CDH12: variants seen among roughly 807,000 people sequenced by gnomAD.
CDH12 encodes cadherin 12, also known as cadherin-12.
In CDH12, 41 loss-of-function variants were observed where a neutral mutation model predicts 74.1. The observed-to-expected ratio is 0.55, with a 90% CI of 0.43 to 0.72. The LOEUF is 0.72. Ranked by LOEUF, CDH12 falls within the 30% of genes least tolerant of loss-of-function variation. The pLI is 0.00. For synonymous variants in CDH12, 399 were observed against 355.0 expected (o/e 1.12, Z -1.39); for missense variants, 945 against 977.2 (o/e 0.97, Z 0.44).
chr5:22,280,579 G>C (rs985829351), intron 3 of CDH12, among the ~76,000 whole-genome samples: 1 of 151,990 alleles, frequency 6.6e-6, no homozygotes, highest in Non-Finnish European at 1.5e-5. Context: ...CTACCATCAG[G>C]GAATACTATA....
intron 1 of CDH12, among the ~76,000 whole-genome samples, chr5:22,749,337 T>C (rs987114863): frequency 2.0e-5 from 3 of 152,238 alleles, no homozygotes; most frequent in Non-Finnish European, 4.4e-5. Context: ...TGTCTTGAAC[T>C]ACTTTGATTC....
chr5:22,592,685 C>G (rs948451249), intron 1 of CDH12, among the ~76,000 whole-genome samples: 1 of 149,530 alleles, frequency 6.7e-6, no homozygotes. Context: ...CTCCACCCCC[C>G]ACCACCTCCA....
At chr5:21,804,640 T>TAAAA (rs367797978) in intron 9 of CDH12, among the ~76,000 whole-genome samples, 23,659 of 88,860 alleles carry the variant, frequency 0.27, 3,056 homozygotes, top group Middle Eastern at 0.35. Context: ...TATAGTGAAT[T>TAAAA]AAAACACACA....
chr5:21,919,960 T>C lies in CDH12; in HGVS notation c.526+55131A>G, dbSNP rs55752709. ...TCCAGTGATAATATTAAGAAAAATA[T>C]CTTCATGCCTATTTTGTAAGAAATA... On this transcript the variant is annotated intron_variant, in intron 6 of 14. Transcript: ENST00000382254. 8.8e-3 allele frequency among the ~76,000 whole-genome samples: 1,336 copies of C among 152,228 alleles called. 15 individuals are homozygous for C. The highest frequency in any genetic ancestry group is 0.031 in the African/African-American group (1,282 of 41,554).
chr5:22,786,951 C>T (rs1448280368), intron 1 of CDH12, among the ~76,000 whole-genome samples: 1 of 152,036 alleles, frequency 6.6e-6, no homozygotes, highest in African/African-American at 2.4e-5. Flanking sequence ...AACTCCTGAC[C>T]TCAGATGATC....
intron 8 of CDH12, among the ~76,000 whole-genome samples, chr5:21,836,543 T>G (rs1749550537): frequency 1.3e-5 from 2 of 151,604 alleles, no homozygotes; most frequent in Admixed American, 1.3e-4. Context: ...TCATCAAATA[T>G]TGTATACAGA....
At chr5:22,185,793 T>C (rs1749907628) in intron 4 of CDH12, among the ~76,000 whole-genome samples, 2 of 152,330 alleles carry the variant, frequency 1.3e-5, no homozygotes, top group East Asian at 1.9e-4. Context: ...GGAAATCAGT[T>C]CCATTTACAT....
At chr5:22,268,048 C>T (rs1274857211) in intron 3 of CDH12, among the ~76,000 whole-genome samples, 3 of 152,096 alleles carry the variant, frequency 2.0e-5, no homozygotes, top group Non-Finnish European at 4.4e-5. Flanking sequence ...AATCTTCAAT[C>T]ACTCCTTTGG....
At chr5:22,345,612 G>A (rs1740076155) in intron 3 of CDH12, among the ~76,000 whole-genome samples, 1 of 152,148 alleles carries the variant, frequency 6.6e-6, no homozygotes, top group South Asian at 2.1e-4. Context: ...ACTGATGGCT[G>A]TCATTTCAAT....
At chr5:22,529,810 G>T (rs1403038908) in intron 1 of CDH12, among the ~76,000 whole-genome samples, 3 of 152,138 alleles carry the variant, frequency 2.0e-5, no homozygotes, top group African/African-American at 4.8e-5. Context: ...GAAAATAATT[G>T]TTTATCCTTT....
chr5:22,162,156 T>C (rs1748389735), intron 4 of CDH12, among the ~76,000 whole-genome samples: 1 of 151,832 alleles, frequency 6.6e-6, no homozygotes, highest in African/African-American at 2.4e-5. Context: ...TAGAGGCATG[T>C]CTTCTGCCTA....
At chr5:22,180,491 T>A in intron 4 of CDH12, among the ~76,000 whole-genome samples, 2 of 70,868 alleles carry the variant, frequency 2.8e-5, no homozygotes, top group South Asian at 1.1e-3. Flanking sequence ...GTTTTTGATT[T>A]TTTTTTGTTT....
chr5:22,456,129 AT>A (rs1486209990), intron 2 of CDH12, among the ~76,000 whole-genome samples: 14 of 125,454 alleles, frequency 1.1e-4, no homozygotes, highest in South Asian at 1.0e-3. Context: ...ATATATATAT[AT>A]ATATAAAACG....
chr5:22,305,498 T>C (rs532849582), intron 3 of CDH12, among the ~76,000 whole-genome samples: 2 of 152,248 alleles, frequency 1.3e-5, no homozygotes, highest in African/African-American at 4.8e-5. Flanking sequence ...GCTGGCTCCA[T>C]GAAGCCACAG....
chr5:21,811,988 C>A (rs1468724075), intron 9 of CDH12, among the ~76,000 whole-genome samples: 2 of 151,904 alleles, frequency 1.3e-5, no homozygotes, highest in African/African-American at 4.8e-5. Flanking sequence ...TTAATCTAAA[C>A]CTGACCATCA....
intron 6 of CDH12, among the ~76,000 whole-genome samples, chr5:21,887,745 T>C (rs766990206): frequency 4.6e-5 from 7 of 152,166 alleles, no homozygotes; most frequent in Non-Finnish European, 8.8e-5. Flanking sequence ...AAATGAATTA[T>C]TGAGTTTCAG....
chr5:22,698,723 ATATATATATATAGTGTGT>A (rs57353648), intron 1 of CDH12, among the ~76,000 whole-genome samples: 1,835 of 16,472 alleles, frequency 0.11, 321 homozygotes, highest in South Asian at 0.21. Flanking sequence ...ATATATATAT[ATATATATATATAGTGTGT>A]GTGTGTGTGT....
intron 2 of CDH12, among the ~76,000 whole-genome samples, chr5:22,464,530 T>G (rs2126592139): frequency 6.6e-6 from 1 of 152,290 alleles, no homozygotes; most frequent in South Asian, 2.1e-4. Context: ...GATCTGATTC[T>G]TCTGTTAAAT....
intron 3 of CDH12, among the ~76,000 whole-genome samples, chr5:22,366,969 T>C (rs1741060024): frequency 6.6e-6 from 1 of 152,238 alleles, no homozygotes; most frequent in South Asian, 2.1e-4. Flanking sequence ...CAAAGTCCAT[T>C]ATATAAGATT....
Sources: allele counts gnomAD v4.1 joint callset (sites outside exome capture counted in the v4.1 genomes callset), GRCh38; gene constraint gnomAD v4.1.1; transcripts MANE v1.5; gene names NCBI Gene and HGNC (gene_info 2026-07-23, HGNC 2026-07-21).